Variants in CTNNA3 observed in about 807,000 individuals in gnomAD.
The protein encoded by CTNNA3 is catenin alpha-3.
CTNNA3 carries 76 observed loss-of-function variants against 95.7 expected under a neutral mutation model. That is an observed-to-expected ratio of 0.79 (90% CI 0.66 to 0.96). The LOEUF is 0.96. Ranked by LOEUF, CTNNA3 falls within the 40% of genes least tolerant of loss-of-function variation. The probability of loss-of-function intolerance (pLI) is 0.00; values close to 1 mark genes in which losing one functional copy is unlikely to be tolerated. For missense variants in CTNNA3, 1,191 were observed against 1,089.8 expected, an observed-to-expected ratio of 1.09 and a Z score of -1.31; for synonymous variants, 431 against 374.4, an observed-to-expected ratio of 1.15 and a Z score of -1.74.
chr10:66,789,242 T>A (rs754167437), intron 7 of CTNNA3, among the ~76,000 whole-genome samples: 2 of 152,088 alleles, frequency 1.3e-5, no homozygotes, highest in Non-Finnish European at 2.9e-5. Context: ...AGTGGTGCGA[T>A]CTCGGCTCAC....
intron 7 of CTNNA3, among the ~76,000 whole-genome samples, chr10:66,851,011 C>T (rs1328270978): frequency 6.6e-6 from 1 of 152,118 alleles, no homozygotes; most frequent in Non-Finnish European, 1.5e-5. Context: ...ACCCTCTCTA[C>T]CAAAAACTTT....
intron 13 of CTNNA3, among the ~76,000 whole-genome samples, chr10:66,228,909 G>GT (rs1462221410): frequency 6.6e-6 from 1 of 151,880 alleles, no homozygotes; most frequent in Non-Finnish European, 1.5e-5. Flanking sequence ...CTCTTTTAAT[G>GT]TTTTTTGACT....
At chr10:66,587,725 A>G (rs1175935362) in intron 10 of CTNNA3, among the ~76,000 whole-genome samples, 2 of 152,166 alleles carry the variant, frequency 1.3e-5, no homozygotes, top group Admixed American at 6.5e-5. Flanking sequence ...CAAGGCATGT[A>G]TCCCACTCAT....
chr10:66,199,602 G>T (rs572123258), intron 13 of CTNNA3, among the ~76,000 whole-genome samples: 1 of 150,166 alleles, frequency 6.7e-6, no homozygotes, highest in African/African-American at 2.4e-5. Context: ...TTGTTTGTTT[G>T]TTTGTTTTTT....
chr10:66,611,412 A>G (rs997662539), intron 10 of CTNNA3, among the ~76,000 whole-genome samples: 17 of 152,114 alleles, frequency 1.1e-4, no homozygotes, highest in African/African-American at 3.9e-4. Flanking sequence ...TATAACTATG[A>G]TATACCAATT....
chr10:67,584,166 T>C (rs866036560), intron 3 of CTNNA3, among the ~76,000 whole-genome samples: 2 of 152,214 alleles, frequency 1.3e-5, no homozygotes, highest in Non-Finnish European at 2.9e-5. Context: ...ATTTTCAGCT[T>C]TTCTGCTCTG....
chr10:66,038,602 G>T (rs2133483646), intron 15 of CTNNA3, among the ~76,000 whole-genome samples: 1 of 152,290 alleles, frequency 6.6e-6, no homozygotes, highest in Middle Eastern at 3.4e-3. Context: ...AATTTCAGAG[G>T]ATTTTCATAA....
At chr10:66,262,847 GT>G (rs970485923) in intron 13 of CTNNA3, among the ~76,000 whole-genome samples, 4 of 151,252 alleles carry the variant, frequency 2.6e-5, no homozygotes, top group Non-Finnish European at 5.9e-5. Flanking sequence ...TGTATATAAG[GT>G]TTTTTTTCAA....
At chr10:67,741,216 G>A (rs1472257059) in intron 1 of CTNNA3, among the ~76,000 whole-genome samples, 1 of 150,476 alleles carries the variant, frequency 6.6e-6, no homozygotes, top group Non-Finnish European at 1.5e-5. Flanking sequence ...GCTAGATGAC[G>A]AGTTAGTGGG....
At chr10:66,314,658 T>C (rs1052113889) in intron 12 of CTNNA3, among the ~76,000 whole-genome samples, 1 of 152,122 alleles carries the variant, frequency 6.6e-6, no homozygotes, top group African/African-American at 2.4e-5. Context: ...AAATTTGAGA[T>C]ATTATTGGTT....
chr10:66,718,521 T>C (rs893199525), intron 9 of CTNNA3, among the ~76,000 whole-genome samples: 3 of 151,968 alleles, frequency 2.0e-5, no homozygotes, highest in African/African-American at 7.2e-5. Context: ...GTCCAAAAAA[T>C]ACAGTATGCT....
At chr10:66,238,642 T>C (rs1178997413) in intron 13 of CTNNA3, among the ~76,000 whole-genome samples, 1 of 151,616 alleles carries the variant, frequency 6.6e-6, no homozygotes, top group Non-Finnish European at 1.5e-5. Flanking sequence ...GAATAATTTG[T>C]ATAATCTGAT....
At chr10:66,595,060 GA>G (rs1468128922) in intron 10 of CTNNA3, among the ~76,000 whole-genome samples, 1 of 151,890 alleles carries the variant, frequency 6.6e-6, no homozygotes, top group Non-Finnish European at 1.5e-5. Flanking sequence ...TCAACCCCCA[GA>G]AGAAACAACA....
intron 9 of CTNNA3, among the ~76,000 whole-genome samples, chr10:66,712,464 A>G (rs376816844): frequency 1.4e-4 from 21 of 152,292 alleles, no homozygotes; most frequent in African/African-American, 5.1e-4. Context: ...GAAGGTAGTT[A>G]GTCACCATTT....
intron 13 of CTNNA3, among the ~76,000 whole-genome samples, chr10:66,105,864 A>C (rs1331830905): frequency 1.3e-5 from 2 of 152,198 alleles, no homozygotes; most frequent in Admixed American, 6.5e-5. Context: ...TTTAAGTGGA[A>C]ACTAAGAAAG....
chr10:67,745,710 C>T (rs891589330), intron 1 of CTNNA3, among the ~76,000 whole-genome samples: 4 of 151,674 alleles, frequency 2.6e-5, no homozygotes, highest in Non-Finnish European at 5.9e-5. Context: ...TTAGAGCTGA[C>T]AATAAATTCA....
rs943380217 is a variant in CTNNA3, at chr10:66,861,725, C to T, written c.1048-86201G>A. ...TTGAGCTGTGTGGTGGTAGGAGGTG[C>T]TTCTTACAATTTTCACTTTTCAGAC... is the stretch of plus-strand genomic sequence containing the variant. On this transcript the variant is annotated intron_variant, in intron 7 of 17. Transcript: ENST00000433211. Among the ~76,000 whole-genome samples the T allele has an allele frequency of 2.6e-5, 4 of 152,154 alleles. No homozygotes were observed. The East Asian group carries it at 7.7e-4, about 29-fold the overall frequency.
At chr10:66,989,912 T>G (rs1304364044) in intron 7 of CTNNA3, among the ~76,000 whole-genome samples, 1 of 152,134 alleles carries the variant, frequency 6.6e-6, no homozygotes, top group African/African-American at 2.4e-5. Context: ...TTCCTGGCAT[T>G]TAGTGTTCAA....
At chr10:67,103,944 G>C (rs992928520) in intron 7 of CTNNA3, among the ~76,000 whole-genome samples, 2 of 151,510 alleles carry the variant, frequency 1.3e-5, no homozygotes, top group African/African-American at 4.8e-5. Flanking sequence ...TTTATACATG[G>C]TTCCCTAAAA....
Sources: allele counts gnomAD v4.1 joint callset (sites outside exome capture counted in the v4.1 genomes callset), GRCh38; gene constraint gnomAD v4.1.1; transcripts MANE v1.5; gene names NCBI Gene and HGNC (gene_info 2026-07-23, HGNC 2026-07-21).